The following DEFB116 variants were observed in gnomAD, a reference collection of about 807,000 sequenced individuals.
The protein encoded by DEFB116 is beta-defensin 116.
DEFB116 carries 5 observed loss-of-function variants against 2.8 expected under a neutral mutation model. The ratio of observed to expected loss-of-function variants is 1.80; its 90% CI spans 0.94 to 3.79. The LOEUF (loss-of-function observed/expected upper bound fraction) is 3.79, where lower values mean the gene tolerates loss of function less well. DEFB116 is among the 30% of genes most tolerant of loss of function. The pLI, the probability that DEFB116 is intolerant of heterozygous loss-of-function variation, is 0.00. For missense variants in DEFB116, 170 were observed against 118.0 expected (o/e 1.44, Z -2.04); for synonymous variants, 56 against 40.8 (o/e 1.37, Z -1.42).
intron 1 of DEFB116, 145 bp from the exon 2 acceptor site, chr20:31,303,598 T>C: frequency 8.4e-7 from 1 of 1,190,536 alleles, no homozygotes; most frequent in Non-Finnish European, 1.2e-6. Context: ...GGCTCTGCCA[T>C]TTACCATCTC....
intron 1 of DEFB116, among the ~76,000 whole-genome samples, chr20:31,305,898 T>C (rs1984981758): frequency 6.6e-6 from 1 of 152,066 alleles, no homozygotes; most frequent in Admixed American, 6.6e-5. Context: ...AGAGCAAGGG[T>C]GCTTTGCAAG....
intron 1 of DEFB116, 103 bp downstream of exon 1, chr20:31,308,416 T>C: frequency 8.9e-7 from 1 of 1,125,202 alleles, no homozygotes. Context: ...AGAAAAGGCT[T>C]TAGGTGTTGC....
In DEFB116 at chr20:31,303,311, T is replaced by C. The variant is rs781147565; in HGVS notation, c.210A>G (p.Lys70=). 9.9e-6 allele frequency: 16 copies of C among 1,613,462 alleles called. No homozygotes were observed. In the Admixed American group the frequency reaches 1.8e-4, roughly 18 times the overall value. The change falls in exon 2 of 2, where the codon AAA becomes AAG. Residue 70 remains lysine (K), a synonymous_variant. Transcript: ENST00000400549. ...TCPNDQKCCL[K]LSVKITSSKN... Reference sequence around the variant, plus strand: ...TAGAACTGGTTATTTTCACAGAAAGTTTCAGGCAGCACTTTTGATCATTTG... The same window carrying C: ...TAGAACTGGTTATTTTCACAGAAAGCTTCAGGCAGCACTTTTGATCATTTG...
chr20:31,304,106 C>T (rs1469985349), intron 1 of DEFB116, among the ~76,000 whole-genome samples: 2 of 152,106 alleles, frequency 1.3e-5, no homozygotes, highest in Admixed American at 1.3e-4. Context: ...GATCCACATT[C>T]TCACATAAAT....
chr20:31,303,509 A>G, intron 1 of DEFB116, 56 bp from the exon 2 acceptor site: 1 of 1,594,712 alleles, frequency 6.3e-7, no homozygotes, highest in Non-Finnish European at 8.5e-7. Flanking sequence ...TAGGGTGATG[A>G]AGCATGATTT....
intron 1 of DEFB116, among the ~76,000 whole-genome samples, chr20:31,303,921 A>G (rs1388385207): frequency 1.3e-5 from 2 of 152,114 alleles, no homozygotes; most frequent in South Asian, 2.1e-4. Flanking sequence ...CTCAGATAGC[A>G]CACAAATATT....
At chr20:31,307,627 C>A (rs1251730876) in intron 1 of DEFB116, among the ~76,000 whole-genome samples, 4 of 151,990 alleles carry the variant, frequency 2.6e-5, no homozygotes, top group South Asian at 2.1e-4. Flanking sequence ...AATGAAGAAA[C>A]AACCTATGGA....
chr20:31,304,010 T>C (rs2098583106), intron 1 of DEFB116, among the ~76,000 whole-genome samples: 1 of 152,098 alleles, frequency 6.6e-6, no homozygotes, highest in African/African-American at 2.4e-5. Context: ...CTTTGTACAT[T>C]GGCCTTACAG....
chr20:31,305,515 G>T (rs1268271168), intron 1 of DEFB116, among the ~76,000 whole-genome samples: 1 of 152,112 alleles, frequency 6.6e-6, no homozygotes, highest in South Asian at 2.1e-4. Flanking sequence ...GTCATAGATA[G>T]TTACAGTTTC....
chr20:31,307,846 C>G lies in DEFB116; in HGVS notation c.67+673G>C, dbSNP rs117621239. Among the ~76,000 whole-genome samples, 27 of 152,040 alleles carry G rather than the reference C, an allele frequency of 1.8e-4. No homozygotes were observed. In the East Asian group the frequency reaches 5.2e-3, roughly 29 times the overall value. ...CTTTAGGCAAACACTAACTACAACT[C>G]AAGCCCTACCTCTTCTAATAACCAC... On this transcript the variant is annotated intron_variant, in intron 1 of 1. Transcript: ENST00000400549.
At position 31,306,699 on chromosome 20, in the gene DEFB116, A is replaced by G. The variant is rs367636851; in HGVS notation, c.67+1820T>C. Among the ~76,000 whole-genome samples the G allele has an allele frequency of 1.8e-3, 276 of 152,260 alleles. 4 individuals are homozygous for G. The highest frequency in any genetic ancestry group is 8.3e-3 in the South Asian group (40 of 4,830). The stretch of plus-strand genomic sequence containing the variant: ...AGAGGAGGAAAAGAAGAAGAAAAAC[A>G]GAGAAGAAAGAGGAAGAGGAGGAGA... On this transcript the variant is annotated intron_variant, in intron 1 of 1. Transcript: ENST00000400549.
intron 1 of DEFB116, among the ~76,000 whole-genome samples, chr20:31,307,099 A>G (rs546294984): frequency 6.6e-6 from 1 of 152,278 alleles, no homozygotes; most frequent in East Asian, 1.9e-4. Flanking sequence ...ATAAGCATAC[A>G]TTACACCCAT....
chr20:31,303,804 A>G (rs1455365662), intron 1 of DEFB116, among the ~76,000 whole-genome samples: 1 of 152,122 alleles, frequency 6.6e-6, no homozygotes, highest in African/African-American at 2.4e-5. Context: ...TCTTCTCCTG[A>G]GAGTATGAGG....
At chr20:31,305,453 G>A (rs899809112) in intron 1 of DEFB116, among the ~76,000 whole-genome samples, 2 of 151,986 alleles carry the variant, frequency 1.3e-5, no homozygotes, top group Non-Finnish European at 2.9e-5. Flanking sequence ...ACCCCAAGAG[G>A]ATTCTGCCTA....
In DEFB116 at chr20:31,303,467, G is replaced by A. The variant is rs1201704701; in HGVS notation, c.68-14C>T. ...TGAACAGGCCACCTGGGAAAGACAT[G>A]GCCATGTTTAGTTTCCATGCAGCAG... On this transcript the variant is annotated splice_polypyrimidine_tract_variant and intron_variant, in intron 1 of 1. Coordinates refer to ENST00000400549, the MANE Select transcript of DEFB116 (RefSeq NM_001037731.1). 4 of 1,612,164 alleles carry A rather than the reference G, an allele frequency of 2.5e-6. No homozygotes were observed. Among genetic ancestry groups the A allele is most frequent in the Admixed American group, 3.4e-5 (2 of 59,676 alleles).
At chr20:31,303,617 C>T (rs1212643354) in intron 1 of DEFB116, among the ~76,000 whole-genome samples, 164 bp from the exon 2 acceptor site, 1 of 152,148 alleles carries the variant, frequency 6.6e-6, no homozygotes, top group Non-Finnish European at 1.5e-5. Flanking sequence ...TCTCCCTCCT[C>T]AAGCAAGTTA....
Position 31,303,247 on chromosome 20 carries a change from A to G in DEFB116, c.274T>C (p.Ser92Pro), listed in dbSNP as rs2084661642. The G allele has an allele frequency of 5.6e-6, 9 of 1,613,534 alleles. No individual in the cohort carries two copies. Among genetic ancestry groups the G allele is most frequent in the Non-Finnish European group, 7.6e-6 (9 of 1,179,558 alleles). Residue 92 changes from serine (S) to proline (P), a missense_variant, in exon 2 of 2, where the codon TCA (serine) becomes CCA (proline). By Grantham distance (74) the Ser-to-Pro change is moderately conservative. Coordinates refer to ENST00000400549, the MANE Select transcript of DEFB116 (RefSeq NM_001037731.1). ...GAGTAGCTTGAACTGTTTGTAACTG[A>G]CAAGTTGGAGTTAGAGTCGTAATCC... ...KEDYDSNSNL[S>P]VTNSSSYSHI
chr20:31,304,146 C>A (rs1189238262), intron 1 of DEFB116, among the ~76,000 whole-genome samples: 2 of 152,086 alleles, frequency 1.3e-5, no homozygotes, highest in African/African-American at 4.8e-5. Flanking sequence ...TACAAACCTT[C>A]ACCATGCACT....
At chr20:31,306,839 C>G (rs1480709501) in intron 1 of DEFB116, among the ~76,000 whole-genome samples, 1 of 152,084 alleles carries the variant, frequency 6.6e-6, no homozygotes, top group Non-Finnish European at 1.5e-5. Context: ...CAAGATTTGA[C>G]AGGAGACAAT....
Sources: allele counts gnomAD v4.1 joint callset (sites outside exome capture counted in the v4.1 genomes callset), GRCh38; gene constraint gnomAD v4.1.1; transcripts MANE v1.5; gene names NCBI Gene and HGNC (gene_info 2026-07-23, HGNC 2026-07-21).